Variants in ZNF536 observed in about 807,000 individuals in gnomAD.
The protein encoded by ZNF536 is zinc finger protein 536.
Under a neutral mutation model 84.5 loss-of-function variants are expected in ZNF536, and 13 were observed. The observed-to-expected ratio is 0.15, with a 90% CI of 0.10 to 0.24. The LOEUF (loss-of-function observed/expected upper bound fraction) is 0.24, where lower values mean the gene tolerates loss of function less well. Ranked by LOEUF, ZNF536 falls within the 10% of genes least tolerant of loss-of-function variation. The probability of loss-of-function intolerance (pLI) is 1.00; values close to 1 mark genes in which losing one functional copy is unlikely to be tolerated. For missense variants in ZNF536, 1,536 were observed against 1,747.5 expected, an observed-to-expected ratio of 0.88 and a Z score of 2.16; for synonymous variants, 811 against 742.5, an observed-to-expected ratio of 1.09 and a Z score of -1.50.
intron 2 of ZNF536, among the ~76,000 whole-genome samples, chr19:30,315,762 C>T (rs1381279828): frequency 6.6e-6 from 1 of 152,152 alleles, no homozygotes; most frequent in African/African-American, 2.4e-5. Context: ...TGGTAAACAG[C>T]ACCTGCTGGA....
intron 3 of ZNF536, among the ~76,000 whole-genome samples, chr19:30,366,398 A>ATCTATCTATCTATATC (rs879736709): frequency 3.6e-5 from 5 of 140,782 alleles, no homozygotes; most frequent in Admixed American, 2.8e-4. Flanking sequence ...CTATCTATCT[A>ATCTATCTATCTATATC]TATCTATCTC....
intron 3 of ZNF536, among the ~76,000 whole-genome samples, chr19:30,539,493 C>T (rs1476832596): frequency 6.6e-6 from 1 of 152,206 alleles, no homozygotes; most frequent in Non-Finnish European, 1.5e-5. Flanking sequence ...AATATCTGGG[C>T]ACCCTGTGGC....
At chr19:30,477,319 G>T (rs911385651) in intron 2 of ZNF536, among the ~76,000 whole-genome samples, 9 of 152,152 alleles carry the variant, frequency 5.9e-5, no homozygotes, top group Non-Finnish European at 1.3e-4. Context: ...TGTCCAGTTA[G>T]GTAGCCCAGG....
chr19:30,501,044 C>T (rs1350240898), intron 2 of ZNF536, among the ~76,000 whole-genome samples: 1 of 152,074 alleles, frequency 6.6e-6, no homozygotes, highest in African/African-American at 2.4e-5. Context: ...GCTTTCTTAC[C>T]CTGGGTACAG....
intron 1 of ZNF536, among the ~76,000 whole-genome samples, chr19:30,622,931 AC>A (rs2048534987): frequency 6.8e-6 from 1 of 146,012 alleles, no homozygotes; most frequent in African/African-American, 2.5e-5. Flanking sequence ...TGGACCCAGA[AC>A]CCACTCCTCC....
At chr19:30,623,023 TTTTTTTTTG>T (rs1397883687) in intron 1 of ZNF536, among the ~76,000 whole-genome samples, 1 of 149,924 alleles carries the variant, frequency 6.7e-6, no homozygotes, top group African/African-American at 2.5e-5. Context: ...ATCTTGTGTT[TTTTTTTTTG>T]TTTTTTTGTT....
At chr19:30,656,428 C>G (rs1161031823) in intron 1 of ZNF536, among the ~76,000 whole-genome samples, 1 of 152,148 alleles carries the variant, frequency 6.6e-6, no homozygotes, top group Non-Finnish European at 1.5e-5. Context: ...TTGGTTATCC[C>G]CTTGGCTGGA....
intron 1 of ZNF536, among the ~76,000 whole-genome samples, chr19:30,570,728 A>T (rs981613442): frequency 4.6e-5 from 7 of 152,176 alleles, no homozygotes; most frequent in African/African-American, 1.4e-4. Flanking sequence ...GAATTGAGTT[A>T]AAAACCTATA....
chr19:30,625,795 T>C (rs778105517), intron 1 of ZNF536, among the ~76,000 whole-genome samples: 2 of 152,164 alleles, frequency 1.3e-5, no homozygotes, highest in Non-Finnish European at 2.9e-5. Context: ...ATGGACTCTG[T>C]GTTGGTGAAT....
rs551672696 is a variant in ZNF536, at chr19:30,497,717, A to T, written c.2171-37130A>T. On this transcript the variant is annotated intron_variant, in intron 2 of 4. Coordinates refer to ENST00000355537, the MANE Select transcript of ZNF536 (RefSeq NM_014717.3). ...TTAAGATATTACTTTCCAAAAAGAG[A>T]TCACCTTCATGTGTGTGTGAAAGAC... Among the ~76,000 whole-genome samples the T allele has an allele frequency of 9.2e-5, 14 of 151,524 alleles. 1 individual carries two copies. In the South Asian group the frequency reaches 2.9e-3, roughly 32 times the overall value.
At chr19:30,300,466 C>A (rs1466134074) in intron 2 of ZNF536, 1 of 152,126 alleles carries the variant, frequency 6.6e-6, no homozygotes, top group Non-Finnish European at 1.5e-5. Flanking sequence ...CCTTCGGCCG[C>A]AGTGCATGCA....
At chr19:30,237,361 G>A (rs1051260159) in intron 1 of ZNF536, among the ~76,000 whole-genome samples, 1 of 152,166 alleles carries the variant, frequency 6.6e-6, no homozygotes, top group African/African-American at 2.4e-5. Context: ...TCCCGTGGAG[G>A]CCATTGTGAA....
At chr19:30,324,197 A>G (rs756595752) in intron 2 of ZNF536, among the ~76,000 whole-genome samples, 18 of 150,206 alleles carry the variant, frequency 1.2e-4, no homozygotes, top group Non-Finnish European at 2.4e-4. Flanking sequence ...TATTCATCCA[A>G]TCTATCATAT....
intron 1 of ZNF536, among the ~76,000 whole-genome samples, chr19:30,687,533 G>A (rs917323215): frequency 2.6e-5 from 4 of 152,160 alleles, no homozygotes; most frequent in South Asian, 2.1e-4. Flanking sequence ...AAGGGAAGTC[G>A]GTGGCTAAAT....
intron 1 of ZNF536, among the ~76,000 whole-genome samples, chr19:30,265,626 G>A (rs901633147): frequency 1.3e-5 from 2 of 152,270 alleles, no homozygotes; most frequent in African/African-American, 2.4e-5. Flanking sequence ...CTCAGGGCTC[G>A]CCATATTCAG....
At chr19:30,634,422 A>C (rs2048993322) in intron 1 of ZNF536, among the ~76,000 whole-genome samples, 1 of 152,110 alleles carries the variant, frequency 6.6e-6, no homozygotes, top group African/African-American at 2.4e-5. Context: ...GACAAGCTTA[A>C]GATACCAGTC....
At chr19:30,604,387 A>G (rs2047797602) in intron 1 of ZNF536, among the ~76,000 whole-genome samples, 1 of 152,144 alleles carries the variant, frequency 6.6e-6, no homozygotes, top group African/African-American at 2.4e-5. Context: ...CTATATTCCA[A>G]GTCTATCTAT....
chr19:30,666,743 GTA>G (rs2050334826), intron 1 of ZNF536, among the ~76,000 whole-genome samples: 1 of 150,704 alleles, frequency 6.6e-6, no homozygotes, highest in South Asian at 2.1e-4. Flanking sequence ...TTCTCTGTGT[GTA>G]TATATATAAT....
At chr19:30,505,810 C>T (rs1317171482) in intron 2 of ZNF536, among the ~76,000 whole-genome samples, 1 of 151,920 alleles carries the variant, frequency 6.6e-6, no homozygotes, top group African/African-American at 2.4e-5. Context: ...GGATTACAGA[C>T]ATGCGCCAAC....
Sources: allele counts gnomAD v4.1 joint callset (sites outside exome capture counted in the v4.1 genomes callset), GRCh38; gene constraint gnomAD v4.1.1; transcripts MANE v1.5; gene names NCBI Gene and HGNC (gene_info 2026-07-23, HGNC 2026-07-21).